The following PEX5L variants were observed in gnomAD, a reference collection of about 807,000 sequenced individuals.
The protein encoded by PEX5L is peroxisomal biogenesis factor 5 like, also known as PEX5-related protein.
A neutral mutation model predicts 84.0 loss-of-function variants in PEX5L; 30 were observed. The ratio of observed to expected loss-of-function variants is 0.36; its 90% CI spans 0.27 to 0.48. PEX5L has a LOEUF of 0.48. PEX5L is among the 20% of genes least tolerant of loss of function. The probability of loss-of-function intolerance (pLI) is 0.99; values close to 1 mark genes in which losing one functional copy is unlikely to be tolerated. For missense variants in PEX5L, 533 were observed against 754.6 expected, an observed-to-expected ratio of 0.71 and a Z score of 3.44; for synonymous variants, 270 against 283.1, an observed-to-expected ratio of 0.95 and a Z score of 0.46.
At chr3:179,900,738 GAA>G (rs1283183172) in intron 2 of PEX5L, 2 of 1,534,180 alleles carry the variant, frequency 1.3e-6, no homozygotes, top group Admixed American at 3.9e-5. Context: ...CCTACTACCT[GAA>G]AAGAGTCATG....
At chr3:180,030,699 C>T (rs748766646) in intron 1 of PEX5L, among the ~76,000 whole-genome samples, 9 of 152,264 alleles carry the variant, frequency 5.9e-5, no homozygotes, top group Admixed American at 2.0e-4. Flanking sequence ...ACAACAACAC[C>T]GTTCTTCTCC....
At chr3:179,983,580 A>G (rs945020909) in intron 1 of PEX5L, among the ~76,000 whole-genome samples, 1 of 152,016 alleles carries the variant, frequency 6.6e-6, no homozygotes, top group Non-Finnish European at 1.5e-5. Flanking sequence ...GCACCAAACA[A>G]TACTAGTTGG....
rs114981362 is a variant in PEX5L at position 179,810,547 on chromosome 3, T to C, written c.1155-879A>G. The stretch of plus-strand genomic sequence containing the variant: ...CATGTGAATCATCTGGGGTGTCTTA[T>C]AAAATCTTCATTCTCATCCAGTAGG... On this transcript the variant is annotated intron_variant, in intron 11 of 14. Transcript: ENST00000467460. Among the ~76,000 whole-genome samples the C allele has an allele frequency of 1.9e-3, 286 of 152,270 alleles. 2 individuals carry two copies. The highest frequency in any genetic ancestry group is 6.5e-3 in the African/African-American group (271 of 41,558).
At chr3:179,927,448 C>T (rs1771790187) in intron 2 of PEX5L, among the ~76,000 whole-genome samples, 1 of 152,138 alleles carries the variant, frequency 6.6e-6, no homozygotes, top group Non-Finnish European at 1.5e-5. Context: ...GAGAGGTAGG[C>T]AGGGGCTAGC....
chr3:180,035,442 T>C (rs1377255082), intron 1 of PEX5L, among the ~76,000 whole-genome samples: 1 of 152,220 alleles, frequency 6.6e-6, no homozygotes, highest in Admixed American at 6.5e-5. Flanking sequence ...ATGTTAGTCA[T>C]ACGGGAAATC....
In PEX5L at chr3:179,824,090, G is replaced by T. The variant is rs553655494; in HGVS notation, c.823-4114C>A. Among the ~76,000 whole-genome samples, 282 of 152,164 alleles carry T rather than the reference G, an allele frequency of 1.9e-3. 1 individual carries two copies. Among genetic ancestry groups the T allele is most frequent in the Non-Finnish European group, 3.3e-3 (223 of 68,006 alleles). On this transcript the variant is annotated intron_variant, in intron 8 of 14. Transcript: ENST00000467460. ...AATTATATTAAGATATGAAGAATAA[G>T]AAAAGAAGCAATTTATTTTAGAACA...
At chr3:179,969,711 T>C (rs929258906) in intron 2 of PEX5L, among the ~76,000 whole-genome samples, 7 of 152,270 alleles carry the variant, frequency 4.6e-5, no homozygotes, top group East Asian at 1.9e-4. Context: ...TTTTGAAACA[T>C]GTTTTGACAT....
chr3:179,988,336 G>A (rs1455788783), intron 1 of PEX5L, among the ~76,000 whole-genome samples: 1 of 151,716 alleles, frequency 6.6e-6, no homozygotes, highest in Non-Finnish European at 1.5e-5. Context: ...GGGAGGCAGA[G>A]GTTGCAGTGA....
At chr3:179,825,358 A>T (rs1406982132) in intron 8 of PEX5L, among the ~76,000 whole-genome samples, 43 of 152,224 alleles carry the variant, frequency 2.8e-4, no homozygotes. Context: ...TCAGGGATGG[A>T]ATGACCAATG....
intron 1 of PEX5L, among the ~76,000 whole-genome samples, chr3:179,983,022 C>T (rs1009756672): frequency 2.6e-5 from 4 of 151,882 alleles, no homozygotes; most frequent in Non-Finnish European, 4.4e-5. Flanking sequence ...TGCTTTATAA[C>T]AAAAAGGAAA....
chr3:179,830,648 T>C (rs1249323301), intron 8 of PEX5L, among the ~76,000 whole-genome samples: 1 of 152,206 alleles, frequency 6.6e-6, no homozygotes, highest in Non-Finnish European at 1.5e-5. Context: ...TCCTGGTGTA[T>C]TGATTTATTG....
chr3:180,021,302 T>C (rs1218876184), intron 1 of PEX5L, among the ~76,000 whole-genome samples: 1 of 152,130 alleles, frequency 6.6e-6, no homozygotes, highest in Non-Finnish European at 1.5e-5. Flanking sequence ...TATGAGGACA[T>C]TGTAGATGAG....
chr3:180,033,851 T>C (rs1009392084), intron 1 of PEX5L, among the ~76,000 whole-genome samples: 2 of 152,190 alleles, frequency 1.3e-5, no homozygotes, highest in African/African-American at 4.8e-5. Flanking sequence ...CTAAGAAATA[T>C]ACCTGCGGCT....
chr3:179,874,746 T>C (rs1341088010), intron 6 of PEX5L, among the ~76,000 whole-genome samples: 3 of 132,998 alleles, frequency 2.3e-5, no homozygotes, highest in African/African-American at 8.5e-5. Context: ...TTGTTTTTTT[T>C]TTTTTTTTTT....
At chr3:179,990,735 C>T (rs1215994810) in intron 1 of PEX5L, among the ~76,000 whole-genome samples, 1 of 152,074 alleles carries the variant, frequency 6.6e-6, no homozygotes, top group Admixed American at 6.6e-5. Context: ...GTTGTTAGTA[C>T]CAATAATTCC....
chr3:179,904,753 A>G (rs777387395), intron 2 of PEX5L, among the ~76,000 whole-genome samples: 5 of 152,278 alleles, frequency 3.3e-5, no homozygotes, highest in Non-Finnish European at 5.9e-5. Context: ...TAACAGTATT[A>G]TGGGCCCTAT....
chr3:180,024,647 C>G (rs534469726), intron 1 of PEX5L, among the ~76,000 whole-genome samples: 1 of 151,850 alleles, frequency 6.6e-6, no homozygotes, highest in South Asian at 2.1e-4. Flanking sequence ...GTGAGTACAG[C>G]TCCTTCCTTG....
intron 2 of PEX5L, among the ~76,000 whole-genome samples, chr3:179,960,877 A>G (rs939515394): frequency 6.6e-6 from 1 of 152,214 alleles, no homozygotes; most frequent in Non-Finnish European, 1.5e-5. Context: ...GTTTAAAGAG[A>G]GAAGCTGAGA....
intron 7 of PEX5L, among the ~76,000 whole-genome samples, chr3:179,864,335 T>C (rs1397462558): frequency 4.6e-5 from 7 of 152,102 alleles, no homozygotes; most frequent in Admixed American, 3.3e-4. Flanking sequence ...ATATAGATGA[T>C]GGAATGCTAT....
Sources: gnomAD v4.1 joint callset for allele counts (sites outside exome capture counted in the v4.1 genomes callset) on GRCh38, gnomAD v4.1.1 for gene constraint, MANE v1.5 for transcripts, NCBI Gene and HGNC (gene_info 2026-07-23, HGNC 2026-07-21) for gene names.